GFRA1: variants seen among roughly 807,000 people sequenced by gnomAD.
GFRA1 encodes the protein GDNF family receptor alpha-1.
GFRA1 carries 16 observed loss-of-function variants against 51.6 expected under a neutral mutation model. The ratio of observed to expected loss-of-function variants is 0.31; its 90% CI spans 0.21 to 0.47. The LOEUF (loss-of-function observed/expected upper bound fraction) is 0.47, where lower values mean the gene tolerates loss of function less well. Ranked by LOEUF, GFRA1 falls within the 20% of genes least tolerant of loss-of-function variation. The pLI, the probability that GFRA1 is intolerant of heterozygous loss-of-function variation, is 1.00. For missense variants in GFRA1, 530 were observed against 594.3 expected (o/e 0.89, Z 1.13); for synonymous variants, 270 against 241.3 (o/e 1.12, Z -1.10).
intron 5 of GFRA1, among the ~76,000 whole-genome samples, chr10:116,210,481 G>A (rs149029403): frequency 7.2e-5 from 11 of 152,254 alleles, no homozygotes; most frequent in East Asian, 3.9e-4. Context: ...GAACAGTCAC[G>A]ATACCTTTTC....
chr10:116,085,607 G>A (rs1956067586), intron 9 of GFRA1, among the ~76,000 whole-genome samples: 1 of 152,174 alleles, frequency 6.6e-6, no homozygotes, highest in South Asian at 2.1e-4. Context: ...TCTCCTGGGA[G>A]CCCTCCGCCC....
chr10:116,179,260 C>T (rs1252888097), intron 5 of GFRA1, among the ~76,000 whole-genome samples: 2 of 152,206 alleles, frequency 1.3e-5, no homozygotes, highest in African/African-American at 2.4e-5. Flanking sequence ...TTCATACAAA[C>T]CCTACGAGGT....
intron 8 of GFRA1, among the ~76,000 whole-genome samples, chr10:116,091,545 C>T (rs1157567680): frequency 6.6e-6 from 1 of 152,206 alleles, no homozygotes; most frequent in Non-Finnish European, 1.5e-5. Context: ...AACCTCACCT[C>T]CATCCCATTT....
chr10:116,273,589 T>G (rs2577363), upstream of GFRA1: 150,650 of 152,294 alleles, frequency 0.99, 74,534 homozygotes, highest in East Asian at 1. Flanking sequence ...GGACCCGTAC[T>G]CGCGCACAGG....
chr10:116,149,685 TTTAA>T (rs1370691508), intron 5 of GFRA1, among the ~76,000 whole-genome samples: 3 of 152,206 alleles, frequency 2.0e-5, no homozygotes, highest in African/African-American at 7.2e-5. Context: ...ATTCCAATGA[TTTAA>T]TTGAGGACAT....
chr10:116,236,956 TTAAAG>T (rs1966914481), intron 4 of GFRA1, among the ~76,000 whole-genome samples: 1 of 152,234 alleles, frequency 6.6e-6, no homozygotes, highest in Admixed American at 6.5e-5. Flanking sequence ...AAATAAGAAC[TTAAAG>T]TGCATTATCT....
intron 9 of GFRA1, among the ~76,000 whole-genome samples, chr10:116,083,158 A>C (rs1955929203): frequency 6.6e-6 from 1 of 152,162 alleles, no homozygotes; most frequent in African/African-American, 2.4e-5. Flanking sequence ...CGGAAAACCA[A>C]CTCTTAAACT....
chr10:116,176,726 CT>C (rs1961648537), intron 5 of GFRA1, among the ~76,000 whole-genome samples: 4 of 130,600 alleles, frequency 3.1e-5, no homozygotes, highest in East Asian at 2.3e-4. Context: ...CCCTCCCTCC[CT>C]CCTTCCTTCC....
At chr10:116,237,385 G>A (rs972117507) in intron 4 of GFRA1, among the ~76,000 whole-genome samples, 5 of 152,154 alleles carry the variant, frequency 3.3e-5, no homozygotes, top group Non-Finnish European at 1.5e-5. Flanking sequence ...ATGAGGCTCA[G>A]AGAGGTTAAG....
At chr10:116,153,538 CCTTAAAACATTATTTT>C (rs1555159793) in intron 5 of GFRA1, among the ~76,000 whole-genome samples, 1 of 152,170 alleles carries the variant, frequency 6.6e-6, no homozygotes, top group Non-Finnish European at 1.5e-5. Context: ...ACCACCACTG[CCTTAAAACATTATTTT>C]TTGGCTAGCT....
intron 4 of GFRA1, among the ~76,000 whole-genome samples, chr10:116,217,846 G>C (rs896081141): frequency 1.3e-5 from 2 of 152,052 alleles, no homozygotes. Context: ...ACGATAACTG[G>C]TACCCAGAAA....
At chr10:116,229,334 C>T (rs1183203821) in intron 4 of GFRA1, among the ~76,000 whole-genome samples, 3 of 152,100 alleles carry the variant, frequency 2.0e-5, no homozygotes, top group Admixed American at 6.5e-5. Context: ...TTTATCCAAA[C>T]GAAAACTCAA....
At chr10:116,201,820 C>A (rs1054992800) in intron 5 of GFRA1, among the ~76,000 whole-genome samples, 1 of 152,170 alleles carries the variant, frequency 6.6e-6, no homozygotes, top group African/African-American at 2.4e-5. Context: ...TCCCCACCCC[C>A]CTCACCTCTG....
intron 5 of GFRA1, among the ~76,000 whole-genome samples, chr10:116,135,922 T>C (rs1289518570): frequency 2.6e-5 from 4 of 152,252 alleles, no homozygotes; most frequent in Non-Finnish European, 4.4e-5. Flanking sequence ...GAACTATTAA[T>C]TGTACTCAAT....
chr10:116,119,113 C>T (rs1324410502), intron 6 of GFRA1, among the ~76,000 whole-genome samples: 1 of 152,138 alleles, frequency 6.6e-6, no homozygotes, highest in East Asian at 1.9e-4. Context: ...AGCTGAAGGG[C>T]CACACATGCA....
intron 4 of GFRA1, among the ~76,000 whole-genome samples, chr10:116,260,745 T>C (rs1969240119): frequency 6.6e-6 from 1 of 152,194 alleles, no homozygotes; most frequent in Admixed American, 6.5e-5. Context: ...AGAACATTAA[T>C]TAGAATGGAA....
At chr10:116,077,384 A>T (rs1207810373) in intron 9 of GFRA1, among the ~76,000 whole-genome samples, 1 of 152,236 alleles carries the variant, frequency 6.6e-6, no homozygotes, top group Admixed American at 6.5e-5. Flanking sequence ...ATCTGGGTTC[A>T]TTAAAGGTGT....
chr10:116,172,847 T>C (rs1961176247), intron 5 of GFRA1, among the ~76,000 whole-genome samples: 2 of 152,188 alleles, frequency 1.3e-5, no homozygotes. Context: ...TGGCTCAGTT[T>C]GCACTTTGGA....
chr10:116,092,132 C>CACAT (rs1956373082), intron 8 of GFRA1, among the ~76,000 whole-genome samples: 1 of 151,148 alleles, frequency 6.6e-6, no homozygotes, highest in Non-Finnish European at 1.5e-5. Flanking sequence ...CACACACACA[C>CACAT]ACACACATTT....
Sources: gnomAD v4.1 joint callset for allele counts (sites outside exome capture counted in the v4.1 genomes callset) on GRCh38, gnomAD v4.1.1 for gene constraint, MANE v1.5 for transcripts, NCBI Gene and HGNC (gene_info 2026-07-23, HGNC 2026-07-21) for gene names.